CAPRIN2: variants seen among roughly 807,000 people sequenced by gnomAD.
CAPRIN2 encodes caprin family member 2.
Under a neutral mutation model 130.4 loss-of-function variants are expected in CAPRIN2, and 66 were observed. The observed-to-expected ratio is 0.51, with a 90% CI of 0.42 to 0.62. CAPRIN2 has a LOEUF of 0.62. Among genes scored for constraint, CAPRIN2 ranks in the 20% least tolerant of loss-of-function variants. CAPRIN2 has a pLI of 0.00. For missense variants in CAPRIN2, 1,185 were observed against 1,246.6 expected (o/e 0.95, Z 0.74); for synonymous variants, 471 against 444.1 (o/e 1.06, Z -0.76).
At chr12:30,732,864 C>T (rs1245038050) in intron 5 of CAPRIN2, among the ~76,000 whole-genome samples, 4 of 152,062 alleles carry the variant, frequency 2.6e-5, no homozygotes, top group Non-Finnish European at 5.9e-5. Flanking sequence ...AGCTAGAAGA[C>T]TAATTGCTTA....
chr12:30,720,923 C>T lies in CAPRIN2; in HGVS notation c.2044-8G>A, dbSNP rs749700002. ...AACTGGAGAAGAAGTAGCCTAGACA[C>T]AGGAAAATACAAAATATTGTAAAAG... On this transcript the variant is annotated splice_polypyrimidine_tract_variant and splice_region_variant and intron_variant, in intron 11 of 16. Transcript: ENST00000298892. The T allele has an allele frequency of 3.8e-6, 6 of 1,580,084 alleles. No homozygotes were observed. The highest frequency in any genetic ancestry group is 4.3e-6 in the Non-Finnish European group (5 of 1,149,442).
intron 14 of CAPRIN2, 128 bp from the exon 17 acceptor site, chr12:30,714,013 T>TA: frequency 2.0e-6 from 1 of 505,916 alleles, no homozygotes; most frequent in Non-Finnish European, 3.5e-6. Flanking sequence ...ATGCCCTCTT[T>TA]AAGCAAACTC....
intron 13 of CAPRIN2, 198 bp downstream of exon 15, chr12:30,716,310 C>T (rs145238739): frequency 1.8e-5 from 9 of 504,940 alleles, no homozygotes; most frequent in South Asian, 2.6e-5. Context: ...TCTATCTCTA[C>T]AAAAATTAAA....
chr12:30,741,144 G>GT, intron 2 of CAPRIN2, 38 bp from the exon 4 acceptor site: 1 of 1,217,346 alleles, frequency 8.2e-7, no homozygotes. Flanking sequence ...TTTTGTGACT[G>GT]TTTAAGTATA....
chr12:30,737,290 G>A (rs1240364421), intron 3 of CAPRIN2, among the ~76,000 whole-genome samples: 2 of 151,978 alleles, frequency 1.3e-5, no homozygotes, highest in Non-Finnish European at 2.9e-5. Flanking sequence ...CACCATCCCT[G>A]GCTATTTTTT....
chr12:30,710,401 G>C lies in CAPRIN2; in HGVS notation c.2735C>G (p.Ser912Cys). ...CATGCTACGGGAGTCTCCTTGTCCA[G>C]AGTCACCACTGTTAAAGGTTTCGTT... is the stretch of plus-strand genomic sequence containing the variant. The change falls in exon 17 of 17, where the codon TCT (serine) becomes TGT (cysteine). Residue 912 changes from serine (S) to cysteine (C), a missense_variant. Ser to Cys is a moderately radical substitution (Grantham distance 112). Coordinates refer to ENST00000298892, the Ensembl canonical transcript of CAPRIN2. This position sits in a 1 kb window ranked among gnomAD's most constrained non-coding sequence, Gnocchi z 4.8. 1 of 1,614,142 alleles carries C rather than the reference G, an allele frequency of 6.2e-7. No individual in the cohort carries two copies. The highest frequency in any genetic ancestry group is 8.5e-7 in the Non-Finnish European group (1 of 1,180,036).
Position 30,714,939 on chromosome 12 carries a change from C to G in CAPRIN2, c.2500+20G>C, listed in dbSNP as rs750296386. ...ACAGACAAAATAATTCAGTATAATT[C>G]AATTTTATTCAGGGCATACCTTTAT... On this transcript the variant is annotated intron_variant, in intron 14 of 16. Coordinates refer to ENST00000298892, the Ensembl canonical transcript of CAPRIN2. The G allele has an allele frequency of 6.3e-7, 1 of 1,594,846 alleles. No homozygotes were observed. The highest frequency in any genetic ancestry group is 1.1e-5 in the South Asian group (1 of 89,890).
rs761381989 is a variant in CAPRIN2, at chr12:30,710,432, T to C, written c.2704A>G (p.Arg902Gly). ...CCACTGTTAAAGGTTTCGTTGTCTC[T>C]TTCTGGGCTGCTCACCTGAGAAGAA... is the stretch of plus-strand genomic sequence containing the variant. Residue 902 changes from arginine to glycine, a missense_variant, in exon 17 of 17, where the codon AGA (arginine) becomes GGA (glycine). Transcript: ENST00000298892. The surrounding 1 kb of genome is among the most constrained non-coding windows in gnomAD (Gnocchi z 4.8). 4 of 1,614,066 alleles carry C rather than the reference T, an allele frequency of 2.5e-6. No homozygotes were observed. In the African/African-American group the frequency reaches 5.3e-5, roughly 22 times the overall value.
intron 12 of CAPRIN2, 56 bp from the exon 15 acceptor site, chr12:30,716,732 G>A: frequency 6.5e-7 from 1 of 1,542,484 alleles, no homozygotes; most frequent in South Asian, 1.2e-5. Context: ...AAATGCTTAA[G>A]GGTGGTATCC....
intron 4 of CAPRIN2, among the ~76,000 whole-genome samples, chr12:30,734,183 G>C (rs895244459): frequency 6.6e-6 from 1 of 152,180 alleles, no homozygotes; most frequent in Non-Finnish European, 1.5e-5. Flanking sequence ...GATGACGATG[G>C]AGTAGACTAT....
chr12:30,741,150 G>T, intron 2 of CAPRIN2, 44 bp from the exon 4 acceptor site: 1 of 1,119,512 alleles, frequency 8.9e-7, no homozygotes, highest in Admixed American at 2.0e-5. Flanking sequence ...GACTGTTTAA[G>T]TATAAATATG....
At chr12:30,745,408 TTGAAAAG>T (rs2069565680) in intron 2 of CAPRIN2, among the ~76,000 whole-genome samples, 1 of 152,164 alleles carries the variant, frequency 6.6e-6, no homozygotes, top group Non-Finnish European at 1.5e-5. Flanking sequence ...TTTTTACTAT[TTGAAAAG>T]AGAAACCTAT....
chr12:30,722,144 A>C (rs1039988748), intron 11 of CAPRIN2, among the ~76,000 whole-genome samples: 3 of 152,230 alleles, frequency 2.0e-5, no homozygotes, highest in African/African-American at 7.2e-5. Context: ...AGGTTCATTT[A>C]ATAACAAAGA....
chr12:30,752,408 G>A (rs781044990), intron 1 of CAPRIN2, among the ~76,000 whole-genome samples: 2 of 152,040 alleles, frequency 1.3e-5, no homozygotes, highest in African/African-American at 2.4e-5. Flanking sequence ...GGGAGGCTCC[G>A]TCAATAGATC....
chr12:30,734,896 T>TCA, intron 4 of CAPRIN2, 72 bp downstream of exon 5: 3 of 907,216 alleles, frequency 3.3e-6, no homozygotes, highest in East Asian at 2.4e-5. Flanking sequence ...ACTCTCTCTC[T>TCA]CACATACACA....
At chr12:30,754,077 A>T (rs1378022120) in exon 1 of CAPRIN2, 2 of 217,080 alleles carry the variant, frequency 9.2e-6, no homozygotes, top group African/African-American at 5.8e-5. Context: ...CCAAACTCAC[A>T]ACATTCTTTT....
chr12:30,728,277 G>A (rs1039817438), intron 8 of CAPRIN2: 10 of 172,130 alleles, frequency 5.8e-5, no homozygotes, highest in East Asian at 1.6e-4. Flanking sequence ...AACTAAGGCC[G>A]GGCACAATGG....
At chr12:30,712,210 C>A (rs557672973) in intron 15 of CAPRIN2, among the ~76,000 whole-genome samples, 115 of 151,942 alleles carry the variant, frequency 7.6e-4, no homozygotes, top group Non-Finnish European at 1.4e-3. Flanking sequence ...AAACTTCATA[C>A]AACCCATGAA....
intron 14 of CAPRIN2, 48 bp from the exon 17 acceptor site, chr12:30,713,933 A>C: frequency 1.8e-6 from 2 of 1,100,928 alleles, no homozygotes; most frequent in Non-Finnish European, 2.8e-6. Context: ...AATCATATTA[A>C]ACTTTTAAAC....
Sources: gnomAD v4.1 joint callset for allele counts (sites outside exome capture counted in the v4.1 genomes callset) on GRCh38, gnomAD v4.1.1 for gene constraint, Gnocchi (gnomAD v3.1) non-coding constraint, MANE v1.5 for transcripts, NCBI Gene and HGNC (gene_info 2026-07-23, HGNC 2026-07-21) for gene names.